The following ANKDD1B variants were observed in gnomAD, a reference collection of about 807,000 sequenced individuals.
ANKDD1B encodes the protein ankyrin repeat and death domain-containing protein 1B.
ANKDD1B carries 57 observed loss-of-function variants against 59.7 expected under a neutral mutation model. The observed-to-expected ratio is 0.95, with a 90% CI of 0.77 to 1.19. The LOEUF (loss-of-function observed/expected upper bound fraction) is 1.19. ANKDD1B is among the 50% of genes most tolerant of loss of function. The probability of loss-of-function intolerance (pLI) is 0.00; values close to 1 mark genes in which losing one functional copy is unlikely to be tolerated. For synonymous variants in ANKDD1B, 216 were observed against 239.5 expected, an observed-to-expected ratio of 0.90 and a Z score of 0.91; for missense variants, 602 against 641.9, an observed-to-expected ratio of 0.94 and a Z score of 0.67.
At chr5:75,641,485 T>C (rs988431120) in intron 7 of ANKDD1B, among the ~76,000 whole-genome samples, 3 of 152,216 alleles carry the variant, frequency 2.0e-5, no homozygotes, top group Admixed American at 6.5e-5. Context: ...CCTTAATAGT[T>C]TATTTAGTCT....
chr5:75,638,452 A>G (rs1774374206), intron 7 of ANKDD1B, among the ~76,000 whole-genome samples: 1 of 152,198 alleles, frequency 6.6e-6, no homozygotes, highest in Non-Finnish European at 1.5e-5. Flanking sequence ...ACCCATGTGA[A>G]TGCTCTAGAG....
At chr5:75,654,259 C>A (rs1774902900) in intron 8 of ANKDD1B, among the ~76,000 whole-genome samples, 1 of 152,098 alleles carries the variant, frequency 6.6e-6, no homozygotes, top group African/African-American at 2.4e-5. Flanking sequence ...ATCCATCTAC[C>A]CCCATCTCCT....
At position 75,616,798 on chromosome 5, in the gene ANKDD1B, T is replaced by C; in HGVS notation, c.194-6T>C. 6.9e-7 allele frequency: 1 copy of C among 1,456,592 alleles called. No homozygotes were observed. Among genetic ancestry groups the C allele is most frequent in the Non-Finnish European group, 9.3e-7 (1 of 1,078,454 alleles). The allele number at this position is 1,456,592 out of a possible 1,614,324, so 90.2% of individuals were successfully genotyped here. A position where few individuals can be genotyped will look rare whatever the true frequency, so the allele number is the denominator to read the frequency against. The stretch of plus-strand genomic sequence containing the variant: ...CCTCAGTCATGCTTGCTTTGCTTTC[T>C]TTCAGTACTCCCAAATGAGAGAAGC... On this transcript the variant is annotated splice_region_variant and splice_polypyrimidine_tract_variant and intron_variant, in intron 1 of 13. Coordinates refer to ENST00000601380, the MANE Select transcript of ANKDD1B (RefSeq NM_001276713.2).
Position 75,625,693 on chromosome 5 carries a change from A to T in ANKDD1B, c.443A>T (p.Glu148Val). Reference protein sequence around the residue: ...IHLAAWSGSLEVMLMLVKAGA... With the variant: ...IHLAAWSGSLVVMLMLVKAGA... Reference sequence around the variant, plus strand: ...CTTGCAGCCTGGTCTGGGAGCCTTGAGGTCATGCTCATGCTGGTTAAAGCT... The same window carrying T: ...CTTGCAGCCTGGTCTGGGAGCCTTGTGGTCATGCTCATGCTGGTTAAAGCT... The change falls in exon 4 of 14, where the codon GAG (glutamate) becomes GTG (valine). Residue 148 changes from glutamate to valine, a missense_variant. Coordinates refer to ENST00000601380, the MANE Select transcript of ANKDD1B (RefSeq NM_001276713.2). 6.5e-7 allele frequency: 1 copy of T among 1,536,476 alleles called. No individual in the cohort carries two copies. Among genetic ancestry groups the T allele is most frequent in the Non-Finnish European group, 8.7e-7 (1 of 1,146,992 alleles).
intron 9 of ANKDD1B, among the ~76,000 whole-genome samples, chr5:75,658,821 T>A (rs1257219503): frequency 6.6e-6 from 1 of 152,204 alleles, no homozygotes; most frequent in Non-Finnish European, 1.5e-5. Flanking sequence ...TTAACCATCT[T>A]AAGTGTACAG....
At chr5:75,666,631 G>T (rs6864860) in intron 11 of ANKDD1B, among the ~76,000 whole-genome samples, 161 bp from the exon 12 acceptor site, 10,975 of 34,284 alleles carry the variant, frequency 0.32, 524 homozygotes, top group East Asian at 0.55. Flanking sequence ...ATTTTGGATG[G>T]CAAAAAAAAA....
At chr5:75,620,470 G>A in intron 3 of ANKDD1B, 57 bp downstream of exon 3, 2 of 923,406 alleles carry the variant, frequency 2.2e-6, no homozygotes, top group Non-Finnish European at 3.3e-6. Flanking sequence ...GGGAGAATCT[G>A]ATCATTCCAG....
At chr5:75,628,114 G>A (rs1774040278) in intron 5 of ANKDD1B, among the ~76,000 whole-genome samples, 1 of 152,186 alleles carries the variant, frequency 6.6e-6, no homozygotes, top group Admixed American at 6.5e-5. Flanking sequence ...AAACTAAATT[G>A]ATGAATAGAA....
At position 75,615,527 on chromosome 5, in the gene ANKDD1B, C is replaced by T. The variant is rs369698437; in HGVS notation, c.194-1277C>T. Among the ~76,000 whole-genome samples, 13 of 152,272 alleles carry T rather than the reference C, an allele frequency of 8.5e-5. No individual in the cohort carries two copies. The East Asian group carries it at 2.5e-3, about 29-fold the overall frequency. On this transcript the variant is annotated intron_variant, in intron 1 of 13. Transcript: ENST00000601380. ...CGACAAAGTACAGCAGACTGGATGG[C>T]TCAAACCACAGACAATTATTTTCTC... is the stretch of plus-strand genomic sequence containing the variant.
chr5:75,635,200 T>G (rs535293043), intron 6 of ANKDD1B: 34 of 443,856 alleles, frequency 7.7e-5, no homozygotes, highest in Admixed American at 3.4e-4. Context: ...TTGGCAGTTT[T>G]TGCTTCATAA....
intron 7 of ANKDD1B, among the ~76,000 whole-genome samples, chr5:75,649,069 C>T (rs543956570): frequency 1.8e-4 from 28 of 152,236 alleles, no homozygotes; most frequent in African/African-American, 6.7e-4. Context: ...CTCTTTAGGG[C>T]CCTATTAACT....
intron 10 of ANKDD1B, among the ~76,000 whole-genome samples, chr5:75,660,184 T>G (rs567981264): frequency 2.6e-5 from 4 of 152,372 alleles, no homozygotes; most frequent in Admixed American, 6.5e-5. Flanking sequence ...CACATTGTTA[T>G]GCAATTGGTC....
chr5:75,656,843 C>G (rs939644001), intron 9 of ANKDD1B, among the ~76,000 whole-genome samples: 7 of 152,186 alleles, frequency 4.6e-5, no homozygotes, highest in South Asian at 2.1e-4. Flanking sequence ...GGTGCCCTTC[C>G]GGCTAGGGAG....
intron 10 of ANKDD1B, 66 bp downstream of exon 10, chr5:75,659,447 C>T: frequency 9.1e-7 from 1 of 1,102,804 alleles, no homozygotes; most frequent in South Asian, 1.3e-5. Context: ...TGGATGTCAG[C>T]CTTGAGCAGC....
chr5:75,665,403 G>T (rs1200263263), intron 11 of ANKDD1B, among the ~76,000 whole-genome samples: 1 of 152,152 alleles, frequency 6.6e-6, no homozygotes, highest in Non-Finnish European at 1.5e-5. Context: ...TGACATTTAG[G>T]CTCTTGATCT....
intron 1 of ANKDD1B, among the ~76,000 whole-genome samples, chr5:75,616,530 A>G (rs1773721396): frequency 6.6e-6 from 1 of 152,144 alleles, no homozygotes; most frequent in African/African-American, 2.4e-5. Context: ...TAAGCCAGAT[A>G]CCAGGTTACT....
intron 2 of ANKDD1B, 37 bp from the exon 3 acceptor site, chr5:75,620,278 G>C (rs1773811739): frequency 9.2e-7 from 1 of 1,081,690 alleles, no homozygotes; most frequent in African/African-American, 1.6e-5. Context: ...ACTGAATAAT[G>C]ATCAGATGAC....
chr5:75,614,181 CA>C (rs1234820889), intron 1 of ANKDD1B, among the ~76,000 whole-genome samples: 17 of 152,240 alleles, frequency 1.1e-4, no homozygotes, highest in African/African-American at 4.1e-4. Context: ...TTACTCATAG[CA>C]GTAGCAGTAG....
chr5:75,617,715 CTA>C, intron 2 of ANKDD1B, among the ~76,000 whole-genome samples: 1 of 152,214 alleles, frequency 6.6e-6, no homozygotes, highest in East Asian at 1.9e-4. Flanking sequence ...GTTCCTATGA[CTA>C]TATGATTTTG....
Sources: allele counts gnomAD v4.1 joint callset (sites outside exome capture counted in the v4.1 genomes callset), GRCh38; gene constraint gnomAD v4.1.1; transcripts MANE v1.5; gene names NCBI Gene and HGNC (gene_info 2026-07-23, HGNC 2026-07-21).